Variants in TNIP3 observed in about 807,000 individuals in gnomAD.
TNIP3 encodes TNFAIP3 interacting protein 3.
In TNIP3, 34 loss-of-function variants were observed where a neutral mutation model predicts 54.1. That is an observed-to-expected ratio of 0.63 (90% CI 0.48 to 0.84). The LOEUF is 0.84. Among genes scored for constraint, TNIP3 ranks in the 40% least tolerant of loss-of-function variants. The pLI, the probability that TNIP3 is intolerant of heterozygous loss-of-function variation, is 0.00. For missense variants in TNIP3, 366 were observed against 387.6 expected (o/e 0.94, Z 0.47); for synonymous variants, 134 against 136.8 (o/e 0.98, Z 0.14).
At chr4:121,222,232 C>G (rs189683508) in intron 1 of TNIP3, among the ~76,000 whole-genome samples, 36 of 152,226 alleles carry the variant, frequency 2.4e-4, no homozygotes, top group African/African-American at 8.7e-4. Flanking sequence ...ATAGAATGTT[C>G]CTTCATTCTG....
In TNIP3 at chr4:121,173,863, A is replaced by G. The variant is rs188112711; in HGVS notation, c.189+8813T>C. On this transcript the variant is annotated intron_variant, in intron 3 of 12. Transcript: ENST00000507879. The stretch of plus-strand genomic sequence containing the variant: ...CCAAGCTGGTCTCAAACTCCTGACC[A>G]CAAGTGATCCACCTGCCTCGGCCTC... 4.5e-3 allele frequency among the ~76,000 whole-genome samples: 689 copies of G among 152,264 alleles called. 5 individuals carry two copies. Among genetic ancestry groups the G allele is most frequent in the African/African-American group, 0.016 (648 of 41,554 alleles).
rs992711173 is a variant in TNIP3 at position 121,132,070 on chromosome 4, A to G, written c.*561T>C. 1 of 152,324 alleles carries G rather than the reference A, an allele frequency of 6.6e-6. No homozygotes were observed. Among genetic ancestry groups the G allele is most frequent in the African/African-American group, 2.4e-5 (1 of 41,410 alleles). 9.4% of individuals were successfully genotyped at this position (152,324 alleles called of 1,614,324 possible). On this transcript the variant is annotated 3_prime_UTR_variant, in exon 11 of 11. Transcript: ENST00000057513. ...ATTGAACCACTTATTTAATTTAATGAGGTATATACACCTCTTCAATTCTAC... is the reference window on the plus strand; with the variant it reads ...ATTGAACCACTTATTTAATTTAATGGGGTATATACACCTCTTCAATTCTAC...
At chr4:121,181,635 G>A (rs1453962516) in intron 3 of TNIP3, among the ~76,000 whole-genome samples, 1 of 148,434 alleles carries the variant, frequency 6.7e-6, no homozygotes, top group African/African-American at 2.6e-5. Flanking sequence ...GTGTGTGTGT[G>A]TGTGTGTGTG....
chr4:121,220,690 G>A (rs1345784689), upstream of TNIP3, among the ~76,000 whole-genome samples: 1 of 152,002 alleles, frequency 6.6e-6, no homozygotes, highest in Non-Finnish European at 1.5e-5. Flanking sequence ...AATAGCGTGG[G>A]GGAATAAACA....
intron 3 of TNIP3, among the ~76,000 whole-genome samples, chr4:121,170,654 A>T (rs1050129608): frequency 8.6e-5 from 13 of 152,024 alleles, no homozygotes; most frequent in Non-Finnish European, 1.8e-4. Context: ...CTATGGGAAA[A>T]TTTTTTAAAG....
upstream of TNIP3, chr4:121,216,740 G>A (rs1726810986): frequency 1.3e-6 from 1 of 772,306 alleles, no homozygotes; most frequent in Non-Finnish European, 1.9e-6. Context: ...AGTGAGTTAA[G>A]GAAGAATCTC....
At chr4:121,214,080 A>G (rs1163955159) in intron 2 of TNIP3, among the ~76,000 whole-genome samples, 1 of 152,174 alleles carries the variant, frequency 6.6e-6, no homozygotes. Flanking sequence ...ATGAGAAAGG[A>G]GTCAGTTCAG....
intron 7 of TNIP3, among the ~76,000 whole-genome samples, chr4:121,145,797 T>A (rs184533094): frequency 0.026 from 3,980 of 151,888 alleles, 88 homozygotes; most frequent in Non-Finnish European, 0.043. Context: ...AGAGACAACT[T>A]AAAAGAAATT....
intron 1 of TNIP3, among the ~76,000 whole-genome samples, chr4:121,223,392 G>A (rs1327370277): frequency 6.6e-6 from 1 of 152,168 alleles, no homozygotes; most frequent in African/African-American, 2.4e-5. Flanking sequence ...CTTAAACCTG[G>A]TCTTGTACAA....
chr4:121,202,459 T>G (rs1170910662), intron 2 of TNIP3, among the ~76,000 whole-genome samples: 1 of 152,112 alleles, frequency 6.6e-6, no homozygotes, highest in Non-Finnish European at 1.5e-5. Flanking sequence ...ACCATAAAAA[T>G]TCTGGAAGAT....
In TNIP3 at chr4:121,162,633, A is replaced by G. The variant is rs189215191; in HGVS notation, c.67-1417T>C. 3.9e-5 allele frequency among the ~76,000 whole-genome samples: 6 copies of G among 152,350 alleles called. 1 individual carries two copies. Among genetic ancestry groups the G allele is most frequent in the Admixed American group, 2.6e-4 (4 of 15,304 alleles). ...CTACTTAGTGTATCTTGAGGTCATC[A>G]GCAAAGTAGGGGCACAGTAAGACTG... On this transcript the variant is annotated intron_variant, in intron 1 of 10. Transcript: ENST00000057513.
At chr4:121,160,490 A>G (rs1380154239) in intron 2 of TNIP3, among the ~76,000 whole-genome samples, 1 of 151,426 alleles carries the variant, frequency 6.6e-6, no homozygotes, top group East Asian at 1.9e-4. Context: ...AAAAAAAAAG[A>G]AGGAATTACA....
chr4:121,177,001 T>A (rs1323003159), intron 3 of TNIP3, among the ~76,000 whole-genome samples: 1 of 152,192 alleles, frequency 6.6e-6, no homozygotes, highest in East Asian at 1.9e-4. Context: ...AGGTTGGAGA[T>A]TTTAGGTAAA....
chr4:121,157,697 G>A (rs1224188398), intron 3 of TNIP3, among the ~76,000 whole-genome samples: 1 of 152,128 alleles, frequency 6.6e-6, no homozygotes, highest in Non-Finnish European at 1.5e-5. Context: ...CTCCTACTAG[G>A]TGCCAAATCA....
chr4:121,187,559 G>T (rs1470210256), intron 2 of TNIP3, among the ~76,000 whole-genome samples: 1 of 152,164 alleles, frequency 6.6e-6, no homozygotes, highest in Non-Finnish European at 1.5e-5. Context: ...ACCATGGAGG[G>T]CTATGCTATT....
At chr4:121,154,482 G>A (rs920091967) in intron 5 of TNIP3, 69 bp downstream of exon 5, 5 of 1,588,012 alleles carry the variant, frequency 3.1e-6, no homozygotes, top group Non-Finnish European at 4.3e-6. Flanking sequence ...ATTTTGTTGC[G>A]ACTGTCAGTA....
At chr4:121,190,962 C>T (rs1725277778) in intron 2 of TNIP3, among the ~76,000 whole-genome samples, 2 of 152,272 alleles carry the variant, frequency 1.3e-5, no homozygotes, top group South Asian at 4.1e-4. Context: ...CTGTTACTCT[C>T]ACTACCATTT....
At chr4:121,138,823 A>C in intron 9 of TNIP3, 139 bp from the exon 10 acceptor site, 4 of 726,024 alleles carry the variant, frequency 5.5e-6, no homozygotes, top group East Asian at 2.7e-5. Flanking sequence ...TGCCAACCTC[A>C]CTCATCCTGC....
At chr4:121,223,282 A>C (rs1377849640) in intron 1 of TNIP3, among the ~76,000 whole-genome samples, 1 of 152,214 alleles carries the variant, frequency 6.6e-6, no homozygotes, top group Admixed American at 6.5e-5. Context: ...GAGCCAATTT[A>C]TCAGATATCT....
Sources: gnomAD v4.1 joint callset for allele counts (sites outside exome capture counted in the v4.1 genomes callset) on GRCh38, gnomAD v4.1.1 for gene constraint, MANE v1.5 for transcripts, NCBI Gene and HGNC (gene_info 2026-07-23, HGNC 2026-07-21) for gene names.